Variants in GREB1 observed in about 807,000 individuals in gnomAD.
GREB1 encodes protein GREB1.
A neutral mutation model predicts 200.7 loss-of-function variants in GREB1; 106 were observed. The observed-to-expected ratio is 0.53, with a 90% CI of 0.45 to 0.62. GREB1 has a LOEUF of 0.62. Ranked by LOEUF, GREB1 falls within the 20% of genes least tolerant of loss-of-function variation. The pLI is 0.00. For synonymous variants in GREB1, 1,132 were observed against 1,092.4 expected, an observed-to-expected ratio of 1.04 and a Z score of -0.72; for missense variants, 2,243 against 2,556.8, an observed-to-expected ratio of 0.88 and a Z score of 2.65.
At position 11,523,640 on chromosome 2, in the gene GREB1, C is replaced by T. The variant is rs57251854; in HGVS notation, c.-158-32817C>T. 5.0e-3 allele frequency among the ~76,000 whole-genome samples: 756 copies of T among 152,182 alleles called. 4 individuals carry two copies. The highest frequency in any genetic ancestry group is 0.017 in the African/African-American group (715 of 41,516). ...TATTTTGGATAGATGTCTGGTATGC[C>T]GAGCAGAAGTCTTAATGTTGTGATT... On this transcript the variant is annotated intron_variant, in intron 1 of 2. Coordinates refer to the GREB1 transcript ENST00000628795.
At position 11,596,168 on chromosome 2, in the gene GREB1, C is replaced by A. The variant is rs768817707; in HGVS notation, c.1883C>A (p.Ser628Tyr). ...CACCAGGAAAATCAAGGCCATATTT[C>A]TTCCTCACTCGCTGCCTCTTCTGTC... Reference protein sequence around the residue: ...KFHQENQGHISSSLAASSVTK... With the variant: ...KFHQENQGHIYSSLAASSVTK... The change falls in exon 13 of 33, where the codon TCT (serine) becomes TAT (tyrosine). Residue 628 changes from serine to tyrosine, a missense_variant. This residue lies in a region of GREB1 where 1,178 missense variants were observed against 1,387.4 expected (regional missense o/e 0.85). Coordinates refer to ENST00000381486, the MANE Select transcript of GREB1 (RefSeq NM_014668.4). The A allele has an allele frequency of 3.7e-6, 6 of 1,613,432 alleles. No individual in the cohort carries two copies. Among genetic ancestry groups the A allele is most frequent in the Non-Finnish European group, 5.1e-6 (6 of 1,179,466 alleles).
chr2:11,483,559 T>G (rs1303294003), intron 1 of GREB1, among the ~76,000 whole-genome samples: 2 of 151,834 alleles, frequency 1.3e-5, no homozygotes, highest in East Asian at 3.9e-4. Flanking sequence ...CTTTCCTGAG[T>G]GGCTCTGGGA....
chr2:11,541,112 C>T (rs1674702808), intron 1 of GREB1, among the ~76,000 whole-genome samples: 1 of 152,092 alleles, frequency 6.6e-6, no homozygotes, highest in South Asian at 2.1e-4. Flanking sequence ...GGGTCATGTC[C>T]CTGTGGCTGG....
intron 3 of GREB1, among the ~76,000 whole-genome samples, chr2:11,565,235 C>G (rs1322829069): frequency 6.6e-6 from 1 of 152,238 alleles, no homozygotes; most frequent in Non-Finnish European, 1.5e-5. Flanking sequence ...CCACACTTTG[C>G]TGCAGGTGAT....
At chr2:11,615,049 G>C (rs777369807) in intron 19 of GREB1, 42 bp from the exon 20 acceptor site, 1 of 1,483,118 alleles carries the variant, frequency 6.7e-7, no homozygotes. Context: ...CACTCCACTT[G>C]TGGAAGGCAC....
Position 11,640,175 on chromosome 2 carries a change from C to T in GREB1, c.5687-116C>T. 7 of 941,872 alleles carry T rather than the reference C, an allele frequency of 7.4e-6. No individual in the cohort carries two copies. The South Asian group carries it at 1.0e-4, about 14-fold the overall frequency. 58.3% of individuals were successfully genotyped at this position (941,872 alleles called of 1,614,324 possible). ...AAGCAAGGGGCCGACTTGGATGCCG[C>T]TTCTGCCCTTCCCAACAGCGCCCTG... On this transcript the variant is annotated intron_variant, in intron 32 of 32. Transcript: ENST00000381486. This position sits in a 1 kb window ranked among gnomAD's most constrained non-coding sequence, Gnocchi z 4.6.
intron 17 of GREB1, among the ~76,000 whole-genome samples, chr2:11,603,000 T>C (rs1681923609): frequency 6.6e-6 from 1 of 152,244 alleles, no homozygotes; most frequent in African/African-American, 2.4e-5. Context: ...AGCCACTTGC[T>C]ACTGTTATTC....
chr2:11,566,738 G>A (rs1677711625), intron 4 of GREB1, 82 bp downstream of exon 4: 4 of 1,267,884 alleles, frequency 3.2e-6, no homozygotes, highest in Non-Finnish European at 4.3e-6. Context: ...GGGGGGTGGT[G>A]GCAACAGAGG....
In GREB1 at chr2:11,633,459, G is replaced by A. The variant is rs1020283767; in HGVS notation, c.4991+396G>A. On this transcript the variant is annotated intron_variant, in intron 28 of 32. Transcript: ENST00000381486. This position sits in a 1 kb window ranked among gnomAD's most constrained non-coding sequence, Gnocchi z 4.1. ...GGCGCCTGTAGTCCCAGCTACTTGG[G>A]AGGCTGAGGCAGAAGCATGGCGTGA... Among the ~76,000 whole-genome samples the A allele has an allele frequency of 1.4e-4, 21 of 151,868 alleles. No individual in the cohort carries two copies. Among genetic ancestry groups the A allele is most frequent in the African/African-American group, 5.1e-4 (21 of 41,328 alleles).
chr2:11,531,378 G>A (rs529275493), upstream of GREB1, among the ~76,000 whole-genome samples: 4 of 152,204 alleles, frequency 2.6e-5, no homozygotes, highest in East Asian at 1.9e-4. Flanking sequence ...TCTGTTCCAC[G>A]TTGTGCAGCC....
chr2:11,611,897 A>G (rs1339381235), intron 18 of GREB1, among the ~76,000 whole-genome samples: 2 of 152,170 alleles, frequency 1.3e-5, no homozygotes, highest in African/African-American at 4.8e-5. Flanking sequence ...CACAGGCAAG[A>G]CATAAGGAAC....
chr2:11,623,015 C>T (rs151310704), intron 23 of GREB1, among the ~76,000 whole-genome samples: 1 of 152,324 alleles, frequency 6.6e-6, no homozygotes, highest in Admixed American at 6.5e-5. Flanking sequence ...CAGCAGCCCA[C>T]GGACTCAATA....
At chr2:11,606,335 C>G (rs1682287990) in intron 17 of GREB1, among the ~76,000 whole-genome samples, 1 of 152,212 alleles carries the variant, frequency 6.6e-6, no homozygotes, top group African/African-American at 2.4e-5. Flanking sequence ...TCTTTGTCAG[C>G]ACTTGGTATG....
chr2:11,612,435 G>A, intron 18 of GREB1, 60 bp from the exon 19 acceptor site: 1 of 1,518,232 alleles, frequency 6.6e-7, no homozygotes, highest in South Asian at 1.2e-5. Context: ...GGATTCCTCT[G>A]AGCTGGGCTG....
intron 1 of GREB1, among the ~76,000 whole-genome samples, chr2:11,549,263 AAG>A (rs1307086919): frequency 6.6e-6 from 1 of 152,178 alleles, no homozygotes; most frequent in Non-Finnish European, 1.5e-5. Context: ...TGAACCCCCA[AAG>A]AGTTTATTTT....
chr2:11,622,495 T>C (rs1005595221), intron 23 of GREB1, among the ~76,000 whole-genome samples: 3 of 152,242 alleles, frequency 2.0e-5, no homozygotes, highest in African/African-American at 7.2e-5. Context: ...TGTTTTATAA[T>C]TTGAATTGGG....
intron 1 of GREB1, among the ~76,000 whole-genome samples, chr2:11,546,859 A>T (rs1038751054): frequency 1.3e-5 from 2 of 152,172 alleles, no homozygotes; most frequent in Non-Finnish European, 2.9e-5. Context: ...CACTACTAGA[A>T]ATGGCACCAG....
At chr2:11,596,998 T>C (rs1681330216) in intron 13 of GREB1, among the ~76,000 whole-genome samples, 2 of 149,962 alleles carry the variant, frequency 1.3e-5, no homozygotes, top group South Asian at 4.3e-4. Context: ...CATGGGGCAG[T>C]GGGCATAGCT....
chr2:11,578,298 G>A lies in GREB1; in HGVS notation c.639G>A (p.Glu213=). 1.2e-6 allele frequency: 2 copies of A among 1,612,636 alleles called. No individual in the cohort carries two copies. Among genetic ancestry groups the A allele is most frequent in the Non-Finnish European group, 1.7e-6 (2 of 1,178,804 alleles). ...KGPLICWKGS[E]FRSRQIPAST... The stretch of plus-strand genomic sequence containing the variant: ...CACGTGTGCACCTTGCCCCCTTAGA[G>A]TTTAGAAGCCGGCAGATCCCCGCCA... Residue 213 remains glutamate (E), a splice_region_variant and synonymous_variant, in exon 6 of 33, where the codon GAG becomes GAA. Coordinates refer to ENST00000381486, the MANE Select transcript of GREB1 (RefSeq NM_014668.4).
Sources: gnomAD v4.1 joint callset for allele counts (sites outside exome capture counted in the v4.1 genomes callset) on GRCh38, gnomAD v4.1.1 for gene constraint, gnomAD v4.1.1 regional missense constraint, Gnocchi (gnomAD v3.1) non-coding constraint, MANE v1.5 for transcripts, NCBI Gene and HGNC (gene_info 2026-07-23, HGNC 2026-07-21) for gene names.